Variants in ZC3HAV1 observed in about 807,000 individuals in gnomAD.
ZC3HAV1 encodes zinc finger CCCH-type containing, antiviral 1.
A neutral mutation model predicts 86.6 loss-of-function variants in ZC3HAV1; 41 were observed. That is an observed-to-expected ratio of 0.47 (90% confidence interval 0.37 to 0.61). The LOEUF (loss-of-function observed/expected upper bound fraction) is 0.61, where lower values mean the gene tolerates loss of function less well. Among genes scored for constraint, ZC3HAV1 ranks in the 20% least tolerant of loss-of-function variants. The pLI is 0.00. For missense variants in ZC3HAV1, 964 were observed against 1,141.1 expected (o/e 0.84, Z 2.24); for synonymous variants, 421 against 432.1 (o/e 0.97, Z 0.32).
At chr7:139,059,162 T>C (rs957698565) in intron 9 of ZC3HAV1, among the ~76,000 whole-genome samples, 5 of 152,248 alleles carry the variant, frequency 3.3e-5, no homozygotes, top group East Asian at 1.9e-4. Flanking sequence ...CCCCTCCCCA[T>C]CCTCCTACTC....
intron 12 of ZC3HAV1, among the ~76,000 whole-genome samples, chr7:139,048,695 A>G (rs144019460): frequency 7.8e-4 from 119 of 152,358 alleles, no homozygotes; most frequent in Middle Eastern, 3.4e-3. Flanking sequence ...GCAAGAATCA[A>G]TAAGTAAAAT....
At chr7:139,069,101 C>T (rs1167112022) in intron 7 of ZC3HAV1, among the ~76,000 whole-genome samples, 1 of 152,142 alleles carries the variant, frequency 6.6e-6, no homozygotes, top group Non-Finnish European at 1.5e-5. Flanking sequence ...GCTGAGCTGG[C>T]CCCAGTTCTT....
intron 1 of ZC3HAV1, among the ~76,000 whole-genome samples, chr7:139,090,033 C>A (rs978457801): frequency 2.6e-5 from 4 of 152,106 alleles, no homozygotes; most frequent in Non-Finnish European, 5.9e-5. Flanking sequence ...AATCCTCCTG[C>A]CTCAGCCTCC....
intron 6 of ZC3HAV1, 144 bp from the exon 7 acceptor site, chr7:139,074,174 C>T: frequency 1.4e-6 from 1 of 698,934 alleles, no homozygotes; most frequent in Non-Finnish European, 2.2e-6. Context: ...CCAGGTCCTA[C>T]ACATAAAAGA....
At position 139,103,753 on chromosome 7, in the gene ZC3HAV1, G is replaced by T. The variant is rs148526795; in HGVS notation, c.308+5271C>A. Among the ~76,000 whole-genome samples the T allele has an allele frequency of 1.4e-4, 21 of 152,320 alleles. No individual in the cohort carries two copies. The East Asian group carries it at 3.5e-3, about 25-fold the overall frequency. ...TATATATCCATTACTGGGGGGAATA[G>T]GTAACTGAACTGTGGTATAAATCCT... is the stretch of plus-strand genomic sequence containing the variant. On this transcript the variant is annotated intron_variant, in intron 1 of 12. Coordinates refer to ENST00000242351, the MANE Select transcript of ZC3HAV1 (RefSeq NM_020119.4).
chr7:139,094,399 A>G (rs963062107), intron 1 of ZC3HAV1, among the ~76,000 whole-genome samples: 25 of 151,614 alleles, frequency 1.6e-4, no homozygotes, highest in African/African-American at 6.1e-4. Context: ...ATTATTATGA[A>G]TTTCCCAGGA....
At chr7:139,104,634 A>T (rs1296117604) in intron 1 of ZC3HAV1, among the ~76,000 whole-genome samples, 1 of 150,078 alleles carries the variant, frequency 6.7e-6, no homozygotes, top group African/African-American at 2.4e-5. Context: ...GAGGCAGGAG[A>T]ATCGCTTGAA....
At chr7:139,061,278 G>T in intron 8 of ZC3HAV1, 140 bp from the exon 9 acceptor site, 1 of 776,956 alleles carries the variant, frequency 1.3e-6, no homozygotes, top group Non-Finnish European at 2.0e-6. Context: ...AAATCCTTTG[G>T]GATGAGAATT....
At chr7:139,088,818 A>G (rs931321546) in intron 2 of ZC3HAV1, among the ~76,000 whole-genome samples, 5 of 152,168 alleles carry the variant, frequency 3.3e-5, no homozygotes, top group Non-Finnish European at 5.9e-5. Context: ...GTTTATAAAA[A>G]CAGGCCGGGT....
At chr7:139,048,100 G>C (rs531989810) in intron 12 of ZC3HAV1, among the ~76,000 whole-genome samples, 159 of 152,288 alleles carry the variant, frequency 1.0e-3, no homozygotes, top group Non-Finnish European at 1.6e-3. Context: ...CTGATAGTGT[G>C]AGCCATTGGG....
At chr7:139,100,761 C>G (rs1438029882) in intron 1 of ZC3HAV1, among the ~76,000 whole-genome samples, 1 of 135,492 alleles carries the variant, frequency 7.4e-6, no homozygotes, top group Non-Finnish European at 1.6e-5. Context: ...TTCCACTCTC[C>G]CTCTCTTTCC....
chr7:139,057,542 T>TATC (rs1237481221), intron 9 of ZC3HAV1, among the ~76,000 whole-genome samples: 11 of 20,864 alleles, frequency 5.3e-4, no homozygotes, highest in African/African-American at 8.7e-4. Context: ...ATTTTTTTTT[T>TATC]TTTTTTTTTT....
chr7:139,048,265 G>C (rs1291917831), intron 12 of ZC3HAV1, among the ~76,000 whole-genome samples: 3 of 152,132 alleles, frequency 2.0e-5, no homozygotes, highest in Non-Finnish European at 4.4e-5. Flanking sequence ...ATACACAGCA[G>C]ACCAACAATT....
At chr7:139,052,779 A>T (rs999171861) in intron 12 of ZC3HAV1, among the ~76,000 whole-genome samples, 3 of 151,886 alleles carry the variant, frequency 2.0e-5, no homozygotes, top group Non-Finnish European at 4.4e-5. Context: ...ACAAAAAAAA[A>T]TTAGCTGGAT....
At chr7:139,063,723 C>CAAA (rs57944873) in intron 8 of ZC3HAV1, among the ~76,000 whole-genome samples, 4 of 73,950 alleles carry the variant, frequency 5.4e-5, no homozygotes, top group African/African-American at 1.4e-4. Context: ...GACCCTGTCT[C>CAAA]AAAAAAAAAA....
intron 1 of ZC3HAV1, among the ~76,000 whole-genome samples, chr7:139,096,424 A>T (rs1426920539): frequency 6.6e-6 from 1 of 152,178 alleles, no homozygotes; most frequent in Non-Finnish European, 1.5e-5. Context: ...GTCCCTCTGA[A>T]AGTTAACAAA....
chr7:139,073,478 T>C (rs1816841052), intron 7 of ZC3HAV1, among the ~76,000 whole-genome samples: 2 of 151,900 alleles, frequency 1.3e-5, no homozygotes, highest in Admixed American at 1.3e-4. Context: ...ATTAATAGTG[T>C]TCTTTTTATT....
intron 1 of ZC3HAV1, among the ~76,000 whole-genome samples, chr7:139,090,996 C>T (rs551153360): frequency 6.6e-6 from 1 of 152,152 alleles, no homozygotes; most frequent in African/African-American, 2.4e-5. Flanking sequence ...TTCTCCCAGG[C>T]GGGCCCTTTC....
chr7:139,063,225 A>C (rs1816500123), intron 8 of ZC3HAV1, among the ~76,000 whole-genome samples: 1 of 144,572 alleles, frequency 6.9e-6, no homozygotes. Flanking sequence ...CTTTTAAACC[A>C]TAAAAACAAT....
Sources: allele counts gnomAD v4.1 joint callset (sites outside exome capture counted in the v4.1 genomes callset), GRCh38; gene constraint gnomAD v4.1.1; transcripts MANE v1.5; gene names NCBI Gene and HGNC (gene_info 2026-07-23, HGNC 2026-07-21).